Variants in SOX6 observed in about 807,000 individuals in gnomAD.
The protein encoded by SOX6 is SRY-box transcription factor 6, also known as transcription factor SOX-6.
A neutral mutation model predicts 97.8 loss-of-function variants in SOX6; 11 were observed. The observed-to-expected ratio is 0.11, with a 90% CI of 0.07 to 0.19. The LOEUF (loss-of-function observed/expected upper bound fraction) is 0.19. SOX6 is among the 10% of genes least tolerant of loss of function. The pLI is 1.00. For missense variants in SOX6, 810 were observed against 1,039.5 expected (o/e 0.78, Z 3.04); for synonymous variants, 360 against 371.4 (o/e 0.97, Z 0.35).
intron 4 of SOX6, among the ~76,000 whole-genome samples, chr11:16,606,419 C>G (rs1293246940): frequency 6.6e-6 from 1 of 152,134 alleles, no homozygotes; most frequent in African/African-American, 2.4e-5. Flanking sequence ...GCCTAGCGGT[C>G]CCATCTGAAC....
At chr11:16,219,016 T>C (rs577032234) in intron 4 of SOX6, among the ~76,000 whole-genome samples, 1 of 152,110 alleles carries the variant, frequency 6.6e-6, no homozygotes, top group Non-Finnish European at 1.5e-5. Flanking sequence ...TTAGGGATCT[T>C]TTTCAGTACC....
At chr11:16,014,503 T>C (rs1854824085) in intron 13 of SOX6, among the ~76,000 whole-genome samples, 1 of 152,106 alleles carries the variant, frequency 6.6e-6, no homozygotes, top group Admixed American at 6.6e-5. Flanking sequence ...CCACAATGTA[T>C]ACATGTATCA....
chr11:16,241,246 A>C (rs1046886973), intron 3 of SOX6, among the ~76,000 whole-genome samples: 37 of 152,014 alleles, frequency 2.4e-4, no homozygotes, highest in Admixed American at 3.9e-4. Flanking sequence ...ATTCCTTCCA[A>C]GGTAAGTTTT....
At chr11:15,974,710 G>A (rs1239444267) in intron 15 of SOX6, among the ~76,000 whole-genome samples, 1 of 152,030 alleles carries the variant, frequency 6.6e-6, no homozygotes, top group African/African-American at 2.4e-5. Context: ...CCTCCAGCCT[G>A]GCAGAGGGAG....
chr11:16,447,816 C>T (rs572106089), intron 1 of SOX6, among the ~76,000 whole-genome samples: 1 of 152,306 alleles, frequency 6.6e-6, no homozygotes, highest in South Asian at 2.1e-4. Context: ...ATCAGCATGA[C>T]TACTGTACAA....
chr11:16,737,141 CA>C (rs773169575), intron 1 of SOX6, among the ~76,000 whole-genome samples: 16 of 152,192 alleles, frequency 1.1e-4, no homozygotes, highest in Admixed American at 3.3e-4. Flanking sequence ...AATAGCTAAG[CA>C]TTGTTTCACA....
At chr11:16,624,796 AGTTT>A (rs1482841631) in intron 3 of SOX6, among the ~76,000 whole-genome samples, 1 of 152,192 alleles carries the variant, frequency 6.6e-6, no homozygotes, top group Non-Finnish European at 1.5e-5. Flanking sequence ...GATATTGTCC[AGTTT>A]GTTTGGTCAG....
intron 1 of SOX6, among the ~76,000 whole-genome samples, chr11:16,471,414 T>C (rs1436079930): frequency 1.3e-5 from 2 of 151,762 alleles, no homozygotes; most frequent in Non-Finnish European, 2.9e-5. Context: ...CCATTCATTA[T>C]GGATGTGCAA....
At chr11:16,112,007 T>C (rs1849243042) in intron 6 of SOX6, 84 bp from the exon 7 acceptor site, 4 of 1,563,804 alleles carry the variant, frequency 2.6e-6, no homozygotes, top group Non-Finnish European at 3.5e-6. Flanking sequence ...GGTGGTGTGC[T>C]GGTACCCACA....
intron 13 of SOX6, among the ~76,000 whole-genome samples, chr11:15,992,736 T>C (rs1056261546): frequency 3.3e-5 from 5 of 152,170 alleles, no homozygotes; most frequent in African/African-American, 1.2e-4. Flanking sequence ...CAAATACATA[T>C]TGAAGGTTTC....
chr11:16,233,838 C>G (rs1852930236), intron 4 of SOX6, among the ~76,000 whole-genome samples: 1 of 151,802 alleles, frequency 6.6e-6, no homozygotes. Context: ...TGAAACCCCT[C>G]TCCACTAAAA....
At chr11:16,703,015 G>A (rs151242085) in intron 3 of SOX6, among the ~76,000 whole-genome samples, 1,678 of 151,130 alleles carry the variant, frequency 0.011, 24 homozygotes, top group African/African-American at 0.038. Flanking sequence ...TTTAGCAAAT[G>A]AATAAATGAA....
At chr11:16,386,902 T>G (rs572067662) in intron 1 of SOX6, among the ~76,000 whole-genome samples, 1 of 152,292 alleles carries the variant, frequency 6.6e-6, no homozygotes, top group Non-Finnish European at 1.5e-5. Context: ...GGCCCATATA[T>G]ACTTGGTACT....
intron 4 of SOX6, among the ~76,000 whole-genome samples, chr11:16,199,238 G>T (rs1378367199): frequency 6.6e-6 from 1 of 152,314 alleles, no homozygotes; most frequent in East Asian, 1.9e-4. Flanking sequence ...TGTTGCACAA[G>T]TGGTAGAAAA....
At chr11:16,249,096 C>A (rs200904900) in intron 3 of SOX6, among the ~76,000 whole-genome samples, 4 of 146,716 alleles carry the variant, frequency 2.7e-5, no homozygotes, top group Admixed American at 6.9e-5. Flanking sequence ...GGCTCTGTCT[C>A]AAAAAAAAAA....
At chr11:16,087,268 ATAT>A (rs1848598943) in intron 9 of SOX6, among the ~76,000 whole-genome samples, 1 of 152,170 alleles carries the variant, frequency 6.6e-6, no homozygotes, top group Non-Finnish European at 1.5e-5. Flanking sequence ...TACACATATA[ATAT>A]TAATACTACT....
intron 4 of SOX6, among the ~76,000 whole-genome samples, chr11:16,545,397 T>A (rs1303415417): frequency 1.4e-5 from 2 of 147,284 alleles, no homozygotes; most frequent in Non-Finnish European, 1.5e-5. Context: ...AGGCATTTGA[T>A]AAAATTCAAC....
At chr11:16,409,289 C>CAAA (rs60016649) in intron 1 of SOX6, among the ~76,000 whole-genome samples, 2,459 of 143,198 alleles carry the variant, frequency 0.017, 39 homozygotes, top group Middle Eastern at 0.054. Context: ...AACCCCCCTC[C>CAAA]AAAAAAAAAA....
chr11:16,253,360 G>A (rs1037215928), intron 3 of SOX6, among the ~76,000 whole-genome samples: 19 of 145,526 alleles, frequency 1.3e-4, no homozygotes, highest in African/African-American at 4.7e-4. Flanking sequence ...AAAAAAAAAA[G>A]AAACTGAACA....
Sources: gnomAD v4.1 joint callset for allele counts (sites outside exome capture counted in the v4.1 genomes callset) on GRCh38, gnomAD v4.1.1 for gene constraint, MANE v1.5 for transcripts, NCBI Gene and HGNC (gene_info 2026-07-23, HGNC 2026-07-21) for gene names.